The following AKAP12 variants were observed in gnomAD, a reference collection of about 807,000 sequenced individuals.
AKAP12 encodes A-kinase anchoring protein 12.
AKAP12 carries 32 observed loss-of-function variants against 79.9 expected under a neutral mutation model. That is an observed-to-expected ratio of 0.40 (90% CI 0.30 to 0.54). The LOEUF (loss-of-function observed/expected upper bound fraction) is 0.54. Among genes scored for constraint, AKAP12 ranks in the 20% least tolerant of loss-of-function variants. The probability of loss-of-function intolerance (pLI) is 0.48; values close to 1 mark genes in which losing one functional copy is unlikely to be tolerated. For synonymous variants in AKAP12, 808 were observed against 857.0 expected, an observed-to-expected ratio of 0.94 and a Z score of 1.00; for missense variants, 2,074 against 2,177.0, an observed-to-expected ratio of 0.95 and a Z score of 0.94.
In AKAP12 at chr6:151,351,860, G is replaced by T. The variant is rs774076198; in HGVS notation, c.3469G>T (p.Ala1157Ser). 1 of 1,614,078 alleles carries T rather than the reference G, an allele frequency of 6.2e-7. No homozygotes were observed. Among genetic ancestry groups the T allele is most frequent in the Non-Finnish European group, 8.5e-7 (1 of 1,180,022 alleles). Residue 1157 changes from alanine (A) to serine (S), a missense_variant, in exon 4 of 5, where the codon GCT becomes TCT. Physicochemically the swap from Ala to Ser is moderately conservative, Grantham distance 99. Transcript: ENST00000402676. This position sits in a 1 kb window ranked among gnomAD's most constrained non-coding sequence, Gnocchi z 4.4. ...VKSQEMVMEQ[A>S]IPPDSVETPT... is the part of the protein sequence containing the mutation. Reference sequence around the variant, plus strand: ...ATCACAGGAGATGGTGATGGAACAGGCTATCCCCCCTGACTCGGTGGAAAC... The same window carrying T: ...ATCACAGGAGATGGTGATGGAACAGTCTATCCCCCCTGACTCGGTGGAAAC...
At chr6:151,342,697 C>T (rs561137758) in intron 3 of AKAP12, among the ~76,000 whole-genome samples, 5 of 152,330 alleles carry the variant, frequency 3.3e-5, no homozygotes, top group African/African-American at 1.2e-4. Context: ...GTGTTCAACT[C>T]ATAACTCACT....
At chr6:151,285,089 C>T (rs1379825516) in intron 2 of AKAP12, among the ~76,000 whole-genome samples, 3 of 152,148 alleles carry the variant, frequency 2.0e-5, no homozygotes, top group South Asian at 2.1e-4. Context: ...GATTTATGAA[C>T]GACAGAGTGG....
intron 2 of AKAP12, among the ~76,000 whole-genome samples, chr6:151,241,243 G>A (rs1453119445): frequency 1.3e-5 from 2 of 152,248 alleles, no homozygotes; most frequent in Admixed American, 6.5e-5. Context: ...GAGCGAGCGG[G>A]TTTGGTACCC....
chr6:151,350,248 C>T lies in AKAP12; in HGVS notation c.1857C>T (p.Pro619=). ...PWASFKKMVT[P]KKRVRRPSES... is the part of the protein sequence containing the mutation. ...CATCATTCAAAAAGATGGTGACGCCCAAGAAGCGTGTTAGACGGCCTTCGG... is the reference window on the plus strand; with the variant it reads ...CATCATTCAAAAAGATGGTGACGCCTAAGAAGCGTGTTAGACGGCCTTCGG... Residue 619 remains proline (P), a synonymous_variant, in exon 4 of 5, where the codon CCC becomes CCT. Transcript: ENST00000402676. This position sits in a 1 kb window ranked among gnomAD's most constrained non-coding sequence, Gnocchi z 4.8. The T allele has an allele frequency of 6.2e-7, 1 of 1,613,730 alleles. No individual in the cohort carries two copies. The highest frequency in any genetic ancestry group is 1.1e-5 in the South Asian group (1 of 91,038).
intron 2 of AKAP12, among the ~76,000 whole-genome samples, chr6:151,254,501 G>A (rs948259896): frequency 2.0e-5 from 3 of 152,034 alleles, no homozygotes; most frequent in Non-Finnish European, 2.9e-5. Flanking sequence ...ACAGGCATGC[G>A]CCACCACACT....
chr6:151,254,102 G>A (rs149657050), intron 2 of AKAP12, among the ~76,000 whole-genome samples: 22 of 152,162 alleles, frequency 1.4e-4, no homozygotes, highest in Admixed American at 6.5e-4. Context: ...TTCTTGTTCT[G>A]CTCTGTTTTA....
intron 2 of AKAP12, among the ~76,000 whole-genome samples, chr6:151,288,326 A>G (rs1245700636): frequency 6.6e-6 from 1 of 151,948 alleles, no homozygotes; most frequent in Non-Finnish European, 1.5e-5. Flanking sequence ...ACCAGCCTGG[A>G]CAACATGGAG....
Position 151,357,016 on chromosome 6 carries a change from A to G in AKAP12, c.*1302A>G, listed in dbSNP as rs930060036. 2.0e-5 allele frequency: 3 copies of G among 152,190 alleles called. No individual in the cohort carries two copies. Among genetic ancestry groups the G allele is most frequent in the Non-Finnish European group, 1.5e-5 (1 of 68,038 alleles). 9.4% of individuals were successfully genotyped at this position (152,190 alleles called of 1,614,324 possible). A position where few individuals can be genotyped will look rare whatever the true frequency, so the allele number is the denominator to read the frequency against. On this transcript the variant is annotated 3_prime_UTR_variant, in exon 5 of 5. Coordinates refer to ENST00000402676, the MANE Select transcript of AKAP12 (RefSeq NM_005100.4). ...CATCTGGTAATTCCTGAAAATGTCA[A>G]TTTTTTTGTGTTAATATTTTTGGTT... is the stretch of plus-strand genomic sequence containing the variant.
intron 3 of AKAP12, among the ~76,000 whole-genome samples, chr6:151,316,245 C>T (rs1456167080): frequency 6.6e-6 from 1 of 152,162 alleles, no homozygotes; most frequent in Non-Finnish European, 1.5e-5. Context: ...TTTCCTCCGA[C>T]CTCTAGTGTT....
chr6:151,353,493 G>A lies in AKAP12; in HGVS notation c.5102G>A (p.Gly1701Asp), dbSNP rs1582905156. 1 of 1,614,194 alleles carries A rather than the reference G, an allele frequency of 6.2e-7. No homozygotes were observed. Among genetic ancestry groups the A allele is most frequent in the Non-Finnish European group, 8.5e-7 (1 of 1,180,040 alleles). ...GTTGAACCGAAAGAAGATGAAAAAG[G>A]TGATGATGTTGATGACCCTGAAAAC... ...SLVEPKEDEK[G>D]DDVDDPENQN... The change falls in exon 4 of 5, where the codon GGT becomes GAT. Residue 1701 changes from glycine to aspartate, a missense_variant. Around this residue, in one of 3 missense-constraint regions of AKAP12, gnomAD observed 614 missense variants for 665.6 expected, o/e 0.92. Transcript: ENST00000402676.
intron 3 of AKAP12, among the ~76,000 whole-genome samples, chr6:151,311,126 C>T (rs550615423): frequency 1.3e-5 from 2 of 152,186 alleles, no homozygotes; most frequent in Admixed American, 1.3e-4. Flanking sequence ...TGCCACTGCG[C>T]CAGATAGTTC....
At chr6:151,347,968 G>A (rs11155786) in intron 3 of AKAP12, among the ~76,000 whole-genome samples, 2 of 150,900 alleles carry the variant, frequency 1.3e-5, no homozygotes, top group East Asian at 3.9e-4. Context: ...TCAGAAGATC[G>A]AGACCATTCT....
chr6:151,340,593 G>A (rs1449514538), intron 3 of AKAP12, among the ~76,000 whole-genome samples: 1 of 150,154 alleles, frequency 6.7e-6, no homozygotes, highest in East Asian at 1.9e-4. Flanking sequence ...CTCTGTAAGT[G>A]ATGGCTTTGT....
In AKAP12 at chr6:151,352,144, A is replaced by C; in HGVS notation, c.3753A>C (p.Ser1251=). Residue 1251 remains serine (S), a synonymous_variant, in exon 4 of 5, where the codon TCA becomes TCC. Transcript: ENST00000402676. ...TAGAGCATACAGATAAAGAGGTGTCAGTGGAAACTGTATCCATTCTGTCAA... is the reference window on the plus strand; with the variant it reads ...TAGAGCATACAGATAAAGAGGTGTCCGTGGAAACTGTATCCATTCTGTCAA... The part of the protein sequence containing the change: ...DTLEHTDKEV[S]VETVSILSKT... 1 of 1,614,238 alleles carries C rather than the reference A, an allele frequency of 6.2e-7. No individual in the cohort carries two copies. The highest frequency in any genetic ancestry group is 8.5e-7 in the Non-Finnish European group (1 of 1,180,038).
At chr6:151,266,246 A>G (rs944499420) in intron 2 of AKAP12, among the ~76,000 whole-genome samples, 14 of 152,252 alleles carry the variant, frequency 9.2e-5, no homozygotes, top group African/African-American at 2.7e-4. Context: ...CTGATGCTGG[A>G]TCACATATTT....
At chr6:151,301,385 A>G (rs774096461) in intron 2 of AKAP12, among the ~76,000 whole-genome samples, 1 of 152,202 alleles carries the variant, frequency 6.6e-6, no homozygotes. Flanking sequence ...TTGTGCCTGT[A>G]TATATACACA....
chr6:151,325,758 C>G (rs2114785746), intron 3 of AKAP12: 1 of 1,597,074 alleles, frequency 6.3e-7, no homozygotes, highest in Non-Finnish European at 8.5e-7. Flanking sequence ...CCGCTCTGAT[C>G]CCGCCGAAAC....
At chr6:151,284,625 C>T (rs985624112) in intron 2 of AKAP12, among the ~76,000 whole-genome samples, 9 of 152,188 alleles carry the variant, frequency 5.9e-5, no homozygotes, top group African/African-American at 2.2e-4. Context: ...AAGACCCTGT[C>T]TCAAACAAAA....
intron 3 of AKAP12, among the ~76,000 whole-genome samples, chr6:151,314,142 C>T (rs182132061): frequency 1.3e-5 from 2 of 151,956 alleles, no homozygotes; most frequent in African/African-American, 4.8e-5. Flanking sequence ...ATTCTCATGC[C>T]TCAGGCTCCT....
Sources: allele counts gnomAD v4.1 joint callset (sites outside exome capture counted in the v4.1 genomes callset), GRCh38; gene constraint gnomAD v4.1.1; regional missense constraint gnomAD v4.1.1; non-coding constraint Gnocchi (gnomAD v3.1); transcripts MANE v1.5; gene names NCBI Gene and HGNC (gene_info 2026-07-23, HGNC 2026-07-21).